The following DOCK8 variants were observed in gnomAD, a reference collection of about 807,000 sequenced individuals.
DOCK8 encodes dedicator of cytokinesis protein 8.
DOCK8 carries 141 observed loss-of-function variants against 245.6 expected under a neutral mutation model. The ratio of observed to expected loss-of-function variants is 0.57; its 90% CI spans 0.50 to 0.66. The LOEUF (loss-of-function observed/expected upper bound fraction) is 0.66, where lower values mean the gene tolerates loss of function less well. Among genes scored for constraint, DOCK8 ranks in the 30% least tolerant of loss-of-function variants. DOCK8 has a pLI of 0.00. For synonymous variants in DOCK8, 1,168 were observed against 970.2 expected, an observed-to-expected ratio of 1.20 and a Z score of -3.79; for missense variants, 2,965 against 2,603.4, an observed-to-expected ratio of 1.14 and a Z score of -3.02.
chr9:375,766 G>A (rs2053488589), intron 18 of DOCK8, among the ~76,000 whole-genome samples: 2 of 152,222 alleles, frequency 1.3e-5, no homozygotes, highest in South Asian at 4.1e-4. Flanking sequence ...GGAGGCTGAA[G>A]TGGGCAGATC....
Position 429,643 on chromosome 9 carries a change from G to A in DOCK8, c.4474-59G>A, listed in dbSNP as rs1291311817. ...AAATGGACATTTGCATATTTCAACGGTCCAGAAAGTGTATCAAACTGCCAA... is the reference window on the plus strand; with the variant it reads ...AAATGGACATTTGCATATTTCAACGATCCAGAAAGTGTATCAAACTGCCAA... On this transcript the variant is annotated intron_variant, in intron 35 of 47. Coordinates refer to ENST00000432829, the MANE Select transcript of DOCK8 (RefSeq NM_203447.4). 2.5e-6 allele frequency: 4 copies of A among 1,603,804 alleles called. 1 individual carries two copies. The highest frequency in any genetic ancestry group is 1.3e-5 in the African/African-American group (1 of 74,668).
At chr9:394,717 T>C (rs2054365757) in intron 24 of DOCK8, among the ~76,000 whole-genome samples, 1 of 152,222 alleles carries the variant, frequency 6.6e-6, no homozygotes, top group Admixed American at 6.5e-5. Context: ...AGGGGTTCTT[T>C]AGAGGTACCC....
chr9:432,242 A>G lies in DOCK8; in HGVS notation c.4703A>G (p.Glu1568Gly). 1 of 1,613,818 alleles carries G rather than the reference A, an allele frequency of 6.2e-7. No individual in the cohort carries two copies. Reference sequence around the variant, plus strand: ...GGAAGAGCACCAGACTTTAATGAAGAGCACCTGAGAAGATCCTTGAGGACA... The same window carrying G: ...GGAAGAGCACCAGACTTTAATGAAGGGCACCTGAGAAGATCCTTGAGGACA... ...LVGRAPDFNE[E>G]HLRRSLRTIL... The change falls in exon 37 of 48, where the codon GAG becomes GGG. Residue 1568 changes from glutamate to glycine, a missense_variant. Coordinates refer to ENST00000432829, the MANE Select transcript of DOCK8 (RefSeq NM_203447.4).
chr9:243,748 G>C (rs1029420549), intron 1 of DOCK8, among the ~76,000 whole-genome samples: 1 of 152,042 alleles, frequency 6.6e-6, no homozygotes, highest in Non-Finnish European at 1.5e-5. Flanking sequence ...AGAGGACTCT[G>C]ATACCCAAAT....
At chr9:405,904 C>T (rs1488754810) in intron 27 of DOCK8, among the ~76,000 whole-genome samples, 1 of 152,204 alleles carries the variant, frequency 6.6e-6, no homozygotes, top group African/African-American at 2.4e-5. Context: ...TTTGCTCCAT[C>T]CTGCCCAGCA....
intron 2 of DOCK8, among the ~76,000 whole-genome samples, chr9:283,533 G>A (rs1024771593): frequency 1.3e-5 from 2 of 152,062 alleles, no homozygotes; most frequent in Admixed American, 1.3e-4. Context: ...CAGGAATCTA[G>A]CATCCCTCAC....
intron 29 of DOCK8, among the ~76,000 whole-genome samples, chr9:417,240 GC>G (rs1359800269): frequency 6.6e-6 from 1 of 152,124 alleles, no homozygotes; most frequent in Non-Finnish European, 1.5e-5. Context: ...CGGAGATGGC[GC>G]CACTGCACTC....
rs370107163 is a variant in DOCK8 at position 286,484 on chromosome 9, G to T, written c.180G>T (p.Glu60Asp). 2.7e-5 allele frequency: 43 copies of T among 1,613,838 alleles called. No individual in the cohort carries two copies. In the African/African-American group the frequency reaches 5.2e-4, roughly 20 times the overall value. The change falls in exon 3 of 48, where the codon GAG becomes GAT. Residue 60 changes from glutamate to aspartate, a missense_variant. By Grantham distance (45) the Glu-to-Asp change is conservative (BLOSUM62 2). Around this residue, in one of 3 missense-constraint regions of DOCK8, gnomAD observed 2,825 missense variants for 2,453.5 expected, o/e 1.15. Coordinates refer to ENST00000432829, the MANE Select transcript of DOCK8 (RefSeq NM_203447.4). Reference protein sequence around the residue: ...LQLPQFYDPVEPVDFEGLLMT... With the variant: ...LQLPQFYDPVDPVDFEGLLMT... ...AGCCTCAGTTTTATGACCCTGTGGA[G>T]CCAGTGGACTTTGAAGGACTTCTGA... is the stretch of plus-strand genomic sequence containing the variant.
At chr9:403,994 GTATA>G (rs748371928) in intron 26 of DOCK8, among the ~76,000 whole-genome samples, 24 of 70,460 alleles carry the variant, frequency 3.4e-4, no homozygotes, top group Admixed American at 1.2e-3. Context: ...ATATATATGT[GTATA>G]TATATATATA....
rs534712853 is a variant in DOCK8 at position 439,388 on chromosome 9, G to A, written c.5223G>A (p.Thr1741=). The A allele has an allele frequency of 8.7e-6, 14 of 1,612,962 alleles. No homozygotes were observed. The highest frequency in any genetic ancestry group is 2.2e-5 in the South Asian group (2 of 91,054). ...LLEQAAELFS[T]GGLYETVNEV... is the part of the protein sequence containing the mutation. ...AGCAGGCCGCGGAGCTCTTCAGCACGGTCAGTGCCCAGAGGGCATCCCGGG... is the reference window on the plus strand; with the variant it reads ...AGCAGGCCGCGGAGCTCTTCAGCACAGTCAGTGCCCAGAGGGCATCCCGGG... The change falls in exon 40 of 48, where the codon ACG becomes ACA. Residue 1741 remains threonine, a splice_region_variant and synonymous_variant. Coordinates refer to ENST00000432829, the MANE Select transcript of DOCK8 (RefSeq NM_203447.4).
chr9:400,709 T>A (rs944636159), intron 26 of DOCK8, among the ~76,000 whole-genome samples: 18 of 40,148 alleles, frequency 4.5e-4, no homozygotes, highest in Admixed American at 5.6e-4. Context: ...CACCACCACC[T>A]CCACCATCAC....
chr9:304,945 G>T (rs78934788), intron 5 of DOCK8, among the ~76,000 whole-genome samples: 18 of 151,982 alleles, frequency 1.2e-4, no homozygotes, highest in East Asian at 1.2e-3. Flanking sequence ...CTCTAACTGG[G>T]GGACAGAGAC....
intron 6 of DOCK8, among the ~76,000 whole-genome samples, chr9:313,264 C>T (rs1015851830): frequency 1.3e-5 from 2 of 152,194 alleles, no homozygotes; most frequent in Non-Finnish European, 2.9e-5. Context: ...AGAAGAAGCA[C>T]GCTTCTGCTG....
In DOCK8 at chr9:446,549, C is replaced by T. The variant is rs751293907; in HGVS notation, c.5760C>T (p.Thr1920=). ...HEQYRRNTVL[T]TMHAFPYIKT... is the part of the protein sequence containing the mutation. ...AGTACAGAAGGAACACAGTCCTGAC[C>T]ACTATGCACGCCTTCCCCTACATCA... Residue 1920 remains threonine, a synonymous_variant, in exon 44 of 48, where the codon ACC becomes ACT. Coordinates refer to ENST00000432829, the MANE Select transcript of DOCK8 (RefSeq NM_203447.4). The T allele has an allele frequency of 1.2e-6, 2 of 1,614,222 alleles. No homozygotes were observed. Among genetic ancestry groups the T allele is most frequent in the Non-Finnish European group, 8.5e-7 (1 of 1,180,034 alleles).
intron 25 of DOCK8, among the ~76,000 whole-genome samples, chr9:398,203 C>G (rs1242822486): frequency 1.3e-5 from 2 of 152,084 alleles, no homozygotes. Context: ...GCAGTAAAGC[C>G]AAGACTGGAG....
intron 28 of DOCK8, among the ~76,000 whole-genome samples, chr9:414,372 A>G (rs2055889184): frequency 6.6e-6 from 1 of 152,260 alleles, no homozygotes; most frequent in Non-Finnish European, 1.5e-5. Flanking sequence ...CTACAATATG[A>G]TAAACTTAAA....
At chr9:328,498 A>G (rs2050861792) in intron 9 of DOCK8, among the ~76,000 whole-genome samples, 2 of 152,206 alleles carry the variant, frequency 1.3e-5, no homozygotes, top group South Asian at 4.1e-4. Flanking sequence ...GTGGATAGTC[A>G]TGACTACAGA....
At chr9:412,483 A>T (rs183214358) in intron 28 of DOCK8, among the ~76,000 whole-genome samples, 14 of 152,090 alleles carry the variant, frequency 9.2e-5, no homozygotes, top group African/African-American at 3.4e-4. Context: ...ATCTCTATTC[A>T]TAGGTGGCAT....
At chr9:213,518 A>AT (rs2046656962), upstream of DOCK8, 1 of 152,220 alleles carries the variant, frequency 6.6e-6, no homozygotes, top group Non-Finnish European at 1.5e-5. Context: ...TTATATCCAA[A>AT]GTATCATTTA....
Sources: gnomAD v4.1 joint callset for allele counts (sites outside exome capture counted in the v4.1 genomes callset) on GRCh38, gnomAD v4.1.1 for gene constraint, gnomAD v4.1.1 regional missense constraint, MANE v1.5 for transcripts, NCBI Gene and HGNC (gene_info 2026-07-23, HGNC 2026-07-21) for gene names.